Variants in TDRD9 observed in about 807,000 individuals in gnomAD.
TDRD9 encodes the protein tudor domain containing 9.
A neutral mutation model predicts 172.6 loss-of-function variants in TDRD9; 124 were observed. The ratio of observed to expected loss-of-function variants is 0.72; its 90% CI spans 0.62 to 0.83. The LOEUF is 0.83. Ranked by LOEUF, TDRD9 falls within the 40% of genes least tolerant of loss-of-function variation. The probability of loss-of-function intolerance (pLI) is 0.00; values close to 1 mark genes in which losing one functional copy is unlikely to be tolerated. For missense variants in TDRD9, 1,479 were observed against 1,714.1 expected (o/e 0.86, Z 2.42); for synonymous variants, 619 against 617.1 (o/e 1.00, Z -0.05).
intron 1 of TDRD9, among the ~76,000 whole-genome samples, chr14:103,949,832 C>CCGT (rs1219685168): frequency 6.7e-6 from 1 of 149,362 alleles, no homozygotes; most frequent in Admixed American, 6.7e-5. Context: ...GGCGCCCGCC[C>CCGT]CACCACTGCA....
intron 6 of TDRD9, among the ~76,000 whole-genome samples, chr14:103,972,119 A>G (rs1356436091): frequency 6.6e-6 from 1 of 151,964 alleles, no homozygotes; most frequent in Non-Finnish European, 1.5e-5. Context: ...GCGCCACTGC[A>G]CTCCAGCCTG....
At chr14:104,021,768 T>A (rs2034963233) in intron 23 of TDRD9, among the ~76,000 whole-genome samples, 1 of 152,210 alleles carries the variant, frequency 6.6e-6, no homozygotes. Context: ...TATACATTTG[T>A]GTGGTTTTCT....
At chr14:103,942,937 T>A (rs2031324389) in intron 1 of TDRD9, among the ~76,000 whole-genome samples, 1 of 148,566 alleles carries the variant, frequency 6.7e-6, no homozygotes, top group Admixed American at 7.3e-5. Flanking sequence ...TCTGAAAATA[T>A]GGTAATAAGG....
chr14:103,940,087 G>T (rs1187940183), intron 1 of TDRD9, among the ~76,000 whole-genome samples: 7 of 151,942 alleles, frequency 4.6e-5, no homozygotes, highest in Non-Finnish European at 7.4e-5. Context: ...GTTATGAAAA[G>T]CCAGATTTTG....
chr14:103,953,284 C>G (rs1191134742), intron 1 of TDRD9, among the ~76,000 whole-genome samples: 1 of 152,158 alleles, frequency 6.6e-6, no homozygotes, highest in African/African-American at 2.4e-5. Context: ...TCTTCCCGCC[C>G]CCTCCTGTGG....
chr14:104,034,122 C>A, intron 31 of TDRD9, 53 bp downstream of exon 31: 2 of 1,101,962 alleles, frequency 1.8e-6, no homozygotes, highest in Non-Finnish European at 1.4e-6. Context: ...TTTTCCTTGA[C>A]TTCAGCTACT....
At chr14:103,938,436 A>ATTTTTTTTTTTTTTT in intron 1 of TDRD9, among the ~76,000 whole-genome samples, 1 of 40,564 alleles carries the variant, frequency 2.5e-5, no homozygotes, top group Admixed American at 5.1e-4. Flanking sequence ...ATATATATAT[A>ATTTTTTTTTTTTTTT]TATATTTTTT....
At chr14:103,955,904 AT>A in intron 2 of TDRD9, 134 bp downstream of exon 2, 1 of 654,768 alleles carries the variant, frequency 1.5e-6, no homozygotes, top group South Asian at 2.0e-5. Context: ...AAGGCCAGGA[AT>A]TTAACACTAG....
intron 2 of TDRD9, 21 bp from the exon 3 acceptor site, chr14:103,963,054 ATTTG>A (rs1566742921): frequency 8.6e-6 from 12 of 1,392,174 alleles, no homozygotes; most frequent in African/African-American, 1.4e-5. Flanking sequence ...ATGGCATTGT[ATTTG>A]TTTGTTTTGC....
chr14:104,019,943 G>T (rs896900654), intron 23 of TDRD9, among the ~76,000 whole-genome samples: 1 of 152,168 alleles, frequency 6.6e-6, no homozygotes. Context: ...GTGAGGCCTC[G>T]GGCTGGTGCA....
At chr14:103,941,130 C>T in intron 1 of TDRD9, 1 of 1,494,292 alleles carries the variant, frequency 6.7e-7, no homozygotes, top group Non-Finnish European at 8.9e-7. Flanking sequence ...AATGAATATT[C>T]AGTTTAGAAC....
Position 104,033,959 on chromosome 14 carries a change from G to C in TDRD9, c.3510-1G>C. ...CATCTCCTGGTGCTCCTGCCTTTTA[G>C]GTGTGTTTGGATTGAGAAGGAGAGC... On this transcript the variant is annotated splice_acceptor_variant, in intron 30 of 35. Transcript: ENST00000409874. LOFTEE classifies it high-confidence loss of function. The C allele has an allele frequency of 3.2e-6, 5 of 1,544,154 alleles. No individual in the cohort carries two copies. Among genetic ancestry groups the C allele is most frequent in the Non-Finnish European group, 4.4e-6 (5 of 1,140,072 alleles).
intron 30 of TDRD9, among the ~76,000 whole-genome samples, chr14:104,033,634 T>C (rs1393450408): frequency 6.6e-6 from 1 of 151,858 alleles, no homozygotes; most frequent in Non-Finnish European, 1.5e-5. Context: ...CCCTTATGAG[T>C]TGACAGTGCA....
chr14:103,952,183 T>A (rs1482986752), intron 1 of TDRD9, among the ~76,000 whole-genome samples: 2 of 36,254 alleles, frequency 5.5e-5, no homozygotes, highest in Non-Finnish European at 1.3e-4. Context: ...TGTGTGTGCG[T>A]GTGTGTGTAT....
Position 103,994,336 on chromosome 14 carries a change from G to A in TDRD9, c.1185G>A (p.Leu395=). The A allele has an allele frequency of 2.5e-6, 4 of 1,613,398 alleles. No individual in the cohort carries two copies. The highest frequency in any genetic ancestry group is 3.4e-6 in the Non-Finnish European group (4 of 1,179,548). ...CTCCACTTTTTTCTTCCCTAGGTCT[G>A]GGTGAAATAAATTATATGCATGAAC... The part of the protein sequence containing the change: ...RSSVLVFLPG[L]GEINYMHELL... The change falls in exon 10 of 36, where the codon CTG becomes CTA. Residue 395 remains leucine (L), a synonymous_variant. Coordinates refer to ENST00000409874, the MANE Select transcript of TDRD9 (RefSeq NM_153046.3).
intron 1 of TDRD9, among the ~76,000 whole-genome samples, chr14:103,945,925 A>G (rs1211689185): frequency 6.6e-6 from 1 of 151,976 alleles, no homozygotes; most frequent in Non-Finnish European, 1.5e-5. Context: ...CTTGATTGCA[A>G]TCAAAGAAGG....
At chr14:103,936,049 T>C (rs902265776) in intron 1 of TDRD9, among the ~76,000 whole-genome samples, 1 of 152,088 alleles carries the variant, frequency 6.6e-6, no homozygotes, top group Non-Finnish European at 1.5e-5. Flanking sequence ...TGTTACCTAT[T>C]TACCATGTGA....
rs774752817 is a variant in TDRD9, at chr14:104,006,778, A to G, written c.1944-4A>G. ...TATTGAATGACACTGTTATCTGTTT[A>G]TAGGAACAAAGTGAATTTCTCTGGC... is the stretch of plus-strand genomic sequence containing the variant. On this transcript the variant is annotated splice_region_variant and splice_polypyrimidine_tract_variant and intron_variant, in intron 17 of 35. Coordinates refer to ENST00000409874, the MANE Select transcript of TDRD9 (RefSeq NM_153046.3). The G allele has an allele frequency of 6.2e-7, 1 of 1,613,582 alleles. No individual in the cohort carries two copies. The highest frequency in any genetic ancestry group is 8.5e-7 in the Non-Finnish European group (1 of 1,179,634).
chr14:104,006,878 G>A (rs756381134), intron 18 of TDRD9, 33 bp downstream of exon 18: 1 of 1,562,574 alleles, frequency 6.4e-7, no homozygotes, highest in South Asian at 1.1e-5. Context: ...CATGAAAGCA[G>A]CTACCACAGA....
Sources: allele counts gnomAD v4.1 joint callset (sites outside exome capture counted in the v4.1 genomes callset), GRCh38; gene constraint gnomAD v4.1.1; transcripts MANE v1.5; gene names NCBI Gene and HGNC (gene_info 2026-07-23, HGNC 2026-07-21).